Variants in SPATA9 observed in about 807,000 individuals in gnomAD.
SPATA9 encodes spermatogenesis associated 9.
A neutral mutation model predicts 25.5 loss-of-function variants in SPATA9; 27 were observed. That is an observed-to-expected ratio of 1.06 (90% CI 0.78 to 1.46). SPATA9 has a LOEUF of 1.46. Ranked by LOEUF, SPATA9 falls within the 40% of genes most tolerant of loss-of-function variation. The pLI, the probability that SPATA9 is intolerant of heterozygous loss-of-function variation, is 0.00. For missense variants in SPATA9, 282 were observed against 297.5 expected, an observed-to-expected ratio of 0.95 and a Z score of 0.38; for synonymous variants, 102 against 105.7, an observed-to-expected ratio of 0.97 and a Z score of 0.21.
chr5:95,721,867 T>C, the SPATA9 span, among the ~76,000 whole-genome samples: 8 of 152,300 alleles, frequency 5.3e-5, no homozygotes, highest in East Asian at 1.9e-4. Flanking sequence ...AAAGGACTAT[T>C]CATGAGGGGT....
chr5:95,655,990 G>C, downstream of SPATA9: 1 of 1,537,338 alleles, frequency 6.5e-7, no homozygotes, highest in Non-Finnish European at 8.9e-7. Flanking sequence ...ACTCTTCAGA[G>C]TCTATCAAGA....
chr5:95,689,001 G>C (rs542423515), intron 1 of SPATA9, among the ~76,000 whole-genome samples: 1 of 152,030 alleles, frequency 6.6e-6, no homozygotes, highest in East Asian at 1.9e-4. Flanking sequence ...TGCAAGCACC[G>C]AAGACACATA....
At chr5:95,674,135 A>T (rs1182582350) in intron 3 of SPATA9, among the ~76,000 whole-genome samples, 1 of 152,236 alleles carries the variant, frequency 6.6e-6, no homozygotes, top group Non-Finnish European at 1.5e-5. Flanking sequence ...CTCAGACATC[A>T]GAAATTATAA....
At chr5:95,725,804 T>C in the SPATA9 span, among the ~76,000 whole-genome samples, 1 of 150,816 alleles carries the variant, frequency 6.6e-6, no homozygotes, top group African/African-American at 2.4e-5. Context: ...AGCTTGGAAT[T>C]CTTCTTTTTT....
chr5:95,710,307 G>C, the SPATA9 span, among the ~76,000 whole-genome samples: 5 of 152,230 alleles, frequency 3.3e-5, no homozygotes, highest in African/African-American at 1.2e-4. Flanking sequence ...CAAACACCAT[G>C]TGGGAGAGAA....
At chr5:95,699,453 C>T (rs142536714), upstream of SPATA9, among the ~76,000 whole-genome samples, 74 of 152,126 alleles carry the variant, frequency 4.9e-4, no homozygotes, top group Middle Eastern at 6.8e-3. Context: ...AAACATTTAC[C>T]AGGAACTAGT....
intron 2 of SPATA9, among the ~76,000 whole-genome samples, chr5:95,677,518 T>C (rs1753053623): frequency 6.6e-6 from 1 of 152,182 alleles, no homozygotes; most frequent in Admixed American, 6.5e-5. Flanking sequence ...GAATTAGCAT[T>C]CTAGTGACAG....
At chr5:95,721,698 A>G in the SPATA9 span, among the ~76,000 whole-genome samples, 1 of 151,872 alleles carries the variant, frequency 6.6e-6, no homozygotes, top group Non-Finnish European at 1.5e-5. Flanking sequence ...AGCATTAAAA[A>G]AAAAAAAAAA....
chr5:95,653,067 TC>T (rs1479100026), exon 9 of SPATA9: 1 of 1,548,040 alleles, frequency 6.5e-7, no homozygotes, highest in South Asian at 1.2e-5. Flanking sequence ...TGGAACACAT[TC>T]ACCAAGACTT....
In SPATA9 at chr5:95,663,949, T is replaced by G. The variant is rs1478262679; in HGVS notation, c.474+4A>C. The G allele has an allele frequency of 6.7e-7, 1 of 1,502,860 alleles. No homozygotes were observed. Among genetic ancestry groups the G allele is most frequent in the Non-Finnish European group, 9.0e-7 (1 of 1,109,818 alleles). The allele number at this position is 1,502,860 out of a possible 1,614,324, so 93.1% of individuals were successfully genotyped here. ...TCTAGATTCTAATAATTTTCTTAAC[T>G]TACCAAATAAATTAGTGCTGCATAT... On this transcript the variant is annotated splice_donor_region_variant and intron_variant, in intron 4 of 4. Transcript: ENST00000274432.
upstream of SPATA9, among the ~76,000 whole-genome samples, chr5:95,686,454 G>C (rs1272189506): frequency 2.0e-5 from 3 of 151,580 alleles, no homozygotes; most frequent in African/African-American, 7.3e-5. Context: ...AAAAAAACTA[G>C]GAAATATTAT....
chr5:95,705,478 AC>A, the SPATA9 span, among the ~76,000 whole-genome samples: 1 of 152,218 alleles, frequency 6.6e-6, no homozygotes, highest in East Asian at 1.9e-4. Flanking sequence ...TTTAATCACA[AC>A]AAAAAGTTCT....
At chr5:95,686,548 G>C (rs557530332), upstream of SPATA9, among the ~76,000 whole-genome samples, 13 of 152,284 alleles carry the variant, frequency 8.5e-5, no homozygotes, top group African/African-American at 2.6e-4. Context: ...GTATCACCTT[G>C]CTTAGAGACT....
At chr5:95,663,417 GA>G (rs989460287) in intron 4 of SPATA9, among the ~76,000 whole-genome samples, 1 of 152,162 alleles carries the variant, frequency 6.6e-6, no homozygotes, top group African/African-American at 2.4e-5. Flanking sequence ...TTTGTTTCTT[GA>G]CCTGGGTAGT....
chr5:95,676,910 C>T (rs1434134668), intron 2 of SPATA9, among the ~76,000 whole-genome samples: 3 of 152,158 alleles, frequency 2.0e-5, no homozygotes, highest in East Asian at 3.9e-4. Flanking sequence ...CTTTTCTTCA[C>T]CTGTTCAGCC....
chr5:95,722,844 T>A, the SPATA9 span, among the ~76,000 whole-genome samples: 3 of 152,246 alleles, frequency 2.0e-5, no homozygotes, highest in African/African-American at 7.2e-5. Context: ...AAGGCCAGAT[T>A]ACCAGATTTC....
intron 4 of SPATA9, among the ~76,000 whole-genome samples, chr5:95,662,549 A>G (rs1334083141): frequency 1.3e-5 from 2 of 152,168 alleles, no homozygotes; most frequent in Non-Finnish European, 2.9e-5. Flanking sequence ...ATAGGCACAC[A>G]CCACCATGCC....
At chr5:95,685,988 G>A (rs1220038987), upstream of SPATA9, among the ~76,000 whole-genome samples, 1 of 151,900 alleles carries the variant, frequency 6.6e-6, no homozygotes, top group African/African-American at 2.4e-5. Flanking sequence ...AGGCACCCGC[G>A]ACCACGCCCG....
At chr5:95,713,684 T>A in the SPATA9 span, 2 of 152,258 alleles carry the variant, frequency 1.3e-5, no homozygotes, top group African/African-American at 2.4e-5. Context: ...GTAGATAATC[T>A]AAGGTAGATC....
Sources: allele counts gnomAD v4.1 joint callset (sites outside exome capture counted in the v4.1 genomes callset), GRCh38; gene constraint gnomAD v4.1.1; transcripts MANE v1.5; gene names NCBI Gene and HGNC (gene_info 2026-07-23, HGNC 2026-07-21).